Variants in TASP1 observed in about 807,000 individuals in gnomAD.
TASP1 encodes threonine aspartase 1.
Under a neutral mutation model 56.6 loss-of-function variants are expected in TASP1, and 16 were observed. That is an observed-to-expected ratio of 0.28 (90% CI 0.19 to 0.43). TASP1 has a LOEUF of 0.43. Among genes scored for constraint, TASP1 ranks in the 20% least tolerant of loss-of-function variants. The probability of loss-of-function intolerance (pLI) is 1.00; values close to 1 mark genes in which losing one functional copy is unlikely to be tolerated. For synonymous variants in TASP1, 179 were observed against 184.2 expected, an observed-to-expected ratio of 0.97 and a Z score of 0.23; for missense variants, 393 against 511.6, an observed-to-expected ratio of 0.77 and a Z score of 2.24.
chr20:13,305,062 T>G, the TASP1 span, among the ~76,000 whole-genome samples: 1 of 152,126 alleles, frequency 6.6e-6, no homozygotes, highest in African/African-American at 2.4e-5. Flanking sequence ...AATAACATAG[T>G]ATTATTTGAA....
intron 12 of TASP1, among the ~76,000 whole-genome samples, chr20:13,428,710 G>T (rs1263988661): frequency 6.6e-6 from 1 of 152,140 alleles, no homozygotes; most frequent in Non-Finnish European, 1.5e-5. Flanking sequence ...TATTTGCAGA[G>T]ACTTTCCTCT....
At chr20:13,119,690 A>C in the TASP1 span, among the ~76,000 whole-genome samples, 1 of 152,122 alleles carries the variant, frequency 6.6e-6, no homozygotes, top group African/African-American at 2.4e-5. Context: ...CAGTGTCTAA[A>C]TTTACCACTA....
At chr20:13,480,837 A>C (rs1388991675) in intron 11 of TASP1, among the ~76,000 whole-genome samples, 1 of 152,184 alleles carries the variant, frequency 6.6e-6, no homozygotes, top group African/African-American at 2.4e-5. Context: ...GGTACACAGT[A>C]GGTATACGTA....
At chr20:13,277,662 T>C in the TASP1 span, among the ~76,000 whole-genome samples, 9,599 of 151,828 alleles carry the variant, frequency 0.063, 386 homozygotes, top group Admixed American at 0.096. Flanking sequence ...TTTTTTACTT[T>C]TGGGATTACT....
At chr20:13,265,559 G>A in the TASP1 span, among the ~76,000 whole-genome samples, 49 of 152,228 alleles carry the variant, frequency 3.2e-4, no homozygotes, top group African/African-American at 1.1e-3. Context: ...GCTTCTTGTT[G>A]CAGGAAAGTA....
At chr20:13,558,742 G>A (rs1371826239) in intron 8 of TASP1, among the ~76,000 whole-genome samples, 2 of 151,904 alleles carry the variant, frequency 1.3e-5, no homozygotes, top group Non-Finnish European at 2.9e-5. Flanking sequence ...ATTTTTCCCT[G>A]ATCATATTTC....
intron 12 of TASP1, among the ~76,000 whole-genome samples, chr20:13,432,956 T>C (rs1313724958): frequency 6.6e-6 from 1 of 150,748 alleles, no homozygotes; most frequent in Non-Finnish European, 1.5e-5. Context: ...ACACTAGGGG[T>C]TATTCTTCTG....
chr20:13,573,784 C>T, intron 6 of TASP1, among the ~76,000 whole-genome samples: 1 of 152,092 alleles, frequency 6.6e-6, no homozygotes, highest in Non-Finnish European at 1.5e-5. Context: ...GACGTTAAGA[C>T]ATTAGGCATA....
the TASP1 span, among the ~76,000 whole-genome samples, chr20:13,108,033 C>T: frequency 6.6e-6 from 1 of 152,018 alleles, no homozygotes; most frequent in South Asian, 2.1e-4. Flanking sequence ...TAGTATGCAG[C>T]ATCTTATTCA....
At chr20:13,379,010 G>A in the TASP1 span, among the ~76,000 whole-genome samples, 1 of 152,108 alleles carries the variant, frequency 6.6e-6, no homozygotes, top group African/African-American at 2.4e-5. Context: ...CACACTGATA[G>A]GTCTTGACTC....
intron 8 of TASP1, among the ~76,000 whole-genome samples, chr20:13,539,796 T>C (rs979483044): frequency 2.2e-4 from 33 of 152,310 alleles, no homozygotes; most frequent in African/African-American, 7.9e-4. Flanking sequence ...TCCTATACAA[T>C]GTTCTGGGGT....
At chr20:13,629,153 G>A (rs1158020704) in intron 2 of TASP1, among the ~76,000 whole-genome samples, 7 of 152,122 alleles carry the variant, frequency 4.6e-5, no homozygotes, top group Non-Finnish European at 2.9e-5. Flanking sequence ...ATCACCCGAG[G>A]TCAGGAGTTT....
the TASP1 span, among the ~76,000 whole-genome samples, chr20:13,261,617 C>T: frequency 6.6e-6 from 1 of 152,180 alleles, no homozygotes; most frequent in African/African-American, 2.4e-5. Flanking sequence ...GACCTTGAAA[C>T]TCCTGGCCCC....
intron 2 of TASP1, among the ~76,000 whole-genome samples, chr20:13,627,166 G>A (rs891672179): frequency 2.0e-5 from 3 of 152,136 alleles, no homozygotes; most frequent in African/African-American, 7.2e-5. Flanking sequence ...AGATAAAACA[G>A]TATAGGCAGT....
At chr20:13,208,065 A>G in the TASP1 span, among the ~76,000 whole-genome samples, 2 of 152,172 alleles carry the variant, frequency 1.3e-5, no homozygotes, top group African/African-American at 4.8e-5. Context: ...CTATAGTATC[A>G]TTTTTCTTTG....
the TASP1 span, among the ~76,000 whole-genome samples, chr20:13,289,034 C>A: frequency 6.6e-6 from 1 of 152,174 alleles, no homozygotes; most frequent in Non-Finnish European, 1.5e-5. Flanking sequence ...GATCCGCCCG[C>A]CTCAGCCTCC....
chr20:13,418,854 G>A (rs1218404280), intron 12 of TASP1, among the ~76,000 whole-genome samples: 2 of 152,080 alleles, frequency 1.3e-5, no homozygotes, highest in South Asian at 2.1e-4. Context: ...AATTGAATGA[G>A]GAAACATCAA....
intron 12 of TASP1, among the ~76,000 whole-genome samples, chr20:13,423,584 A>G (rs2042519748): frequency 6.6e-6 from 1 of 152,224 alleles, no homozygotes; most frequent in Non-Finnish European, 1.5e-5. Context: ...TTTTTGTGAA[A>G]TAAAATAAAA....
At chr20:13,404,323 AGGT>A (rs1176164350) in intron 13 of TASP1, among the ~76,000 whole-genome samples, 1 of 152,234 alleles carries the variant, frequency 6.6e-6, no homozygotes, top group Non-Finnish European at 1.5e-5. Flanking sequence ...TAAAAAGGCC[AGGT>A]GTGCAGTGGC....
Sources: allele counts gnomAD v4.1 joint callset (sites outside exome capture counted in the v4.1 genomes callset), GRCh38; gene constraint gnomAD v4.1.1; transcripts MANE v1.5; gene names NCBI Gene and HGNC (gene_info 2026-07-23, HGNC 2026-07-21).